Variants in RNF185 observed in about 807,000 individuals in gnomAD.
RNF185 encodes the protein ring finger protein 185.
A neutral mutation model predicts 24.9 loss-of-function variants in RNF185; 13 were observed. The observed-to-expected ratio is 0.52, with a 90% CI of 0.34 to 0.83. The LOEUF (loss-of-function observed/expected upper bound fraction) is 0.83. Among genes scored for constraint, RNF185 ranks in the 40% least tolerant of loss-of-function variants. The pLI, the probability that RNF185 is intolerant of heterozygous loss-of-function variation, is 0.01. For missense variants in RNF185, 184 were observed against 244.7 expected (o/e 0.75, Z 1.65); for synonymous variants, 79 against 90.3 (o/e 0.88, Z 0.71).
At chr22:31,200,825 G>A (rs2048255633) in intron 5 of RNF185, among the ~76,000 whole-genome samples, 1 of 152,176 alleles carries the variant, frequency 6.6e-6, no homozygotes, top group African/African-American at 2.4e-5. Flanking sequence ...AAACATTATA[G>A]TGTTTTAAAA....
chr22:31,197,254 A>G, intron 5 of RNF185: 1 of 371,320 alleles, frequency 2.7e-6, no homozygotes, highest in South Asian at 2.9e-5. Flanking sequence ...TATTTTACAG[A>G]TGTGTGTATA....
chr22:31,186,083 A>T (rs2048095689), intron 1 of RNF185, among the ~76,000 whole-genome samples: 1 of 152,182 alleles, frequency 6.6e-6, no homozygotes, highest in African/African-American at 2.4e-5. Context: ...CTTTTTACTT[A>T]TGGTAAGTAT....
In RNF185 at chr22:31,169,775, T is replaced by C. The variant is rs148914735; in HGVS notation, c.-49+9472T>C. On this transcript the variant is annotated intron_variant, in intron 1 of 6. Coordinates refer to ENST00000326132, the MANE Select transcript of RNF185 (RefSeq NM_152267.4). ...GTTACCCAGGCTGGTCTCAAACTTC[T>C]GGGCTCAAGTGATCTGCCTGCCTCC... Among the ~76,000 whole-genome samples the C allele has an allele frequency of 2.1e-3, 315 of 152,294 alleles. 1 individual carries two copies. Among genetic ancestry groups the C allele is most frequent in the African/African-American group, 7.2e-3 (299 of 41,554 alleles).
At chr22:31,174,436 G>T (rs889154473) in intron 1 of RNF185, among the ~76,000 whole-genome samples, 1 of 152,038 alleles carries the variant, frequency 6.6e-6, no homozygotes, top group Non-Finnish European at 1.5e-5. Context: ...TTGGAGTGCA[G>T]TGGCGTCATC....
At chr22:31,163,645 T>TTTTTA (rs71319164) in intron 1 of RNF185, among the ~76,000 whole-genome samples, 18 of 144,308 alleles carry the variant, frequency 1.2e-4, no homozygotes, top group African/African-American at 4.0e-4. Context: ...GTTTTTTAAC[T>TTTTTA]TTTTATTTTA....
intron 1 of RNF185, among the ~76,000 whole-genome samples, chr22:31,174,748 A>C (rs533262227): frequency 2.6e-5 from 4 of 152,182 alleles, no homozygotes; most frequent in Admixed American, 2.6e-4. Context: ...AAACCCAACA[A>C]ATGAACAAAA....
chr22:31,180,556 G>A (rs994307025), intron 1 of RNF185, among the ~76,000 whole-genome samples: 8 of 145,802 alleles, frequency 5.5e-5, no homozygotes, highest in African/African-American at 1.3e-4. Context: ...TCAGAGTCTC[G>A]CTCTAATTGC....
chr22:31,177,763 A>G (rs2047996748), intron 1 of RNF185, among the ~76,000 whole-genome samples: 1 of 152,224 alleles, frequency 6.6e-6, no homozygotes, highest in African/African-American at 2.4e-5. Flanking sequence ...CTTCATATCT[A>G]AGATTAACAT....
rs1268339059 is a variant in RNF185 at position 31,206,068 on chromosome 22, A to G, written c.*1482A>G. 1 of 154,690 alleles carries G rather than the reference A, an allele frequency of 6.5e-6. No individual in the cohort carries two copies. Among genetic ancestry groups the G allele is most frequent in the Non-Finnish European group, 1.5e-5 (1 of 68,224 alleles). The allele number at this position is 154,690 out of a possible 1,614,324, so 9.6% of individuals were successfully genotyped here. A position where few individuals can be genotyped will look rare whatever the true frequency, so the allele number is the denominator to read the frequency against. ...GCCTCTCTCCTACTTTGCCATCCACACTGCTCCTGGCTAACCCCAGCAATA... is the reference window on the plus strand; with the variant it reads ...GCCTCTCTCCTACTTTGCCATCCACGCTGCTCCTGGCTAACCCCAGCAATA... On this transcript the variant is annotated 3_prime_UTR_variant, in exon 7 of 7. Coordinates refer to ENST00000326132, the MANE Select transcript of RNF185 (RefSeq NM_152267.4).
chr22:31,162,917 C>A (rs1315114712), intron 1 of RNF185, among the ~76,000 whole-genome samples: 1 of 151,624 alleles, frequency 6.6e-6, no homozygotes, highest in Non-Finnish European at 1.5e-5. Context: ...GGCGCCCACC[C>A]CGATGACTGG....
intron 1 of RNF185, among the ~76,000 whole-genome samples, chr22:31,171,294 C>T (rs977737396): frequency 6.6e-6 from 1 of 151,444 alleles, no homozygotes; most frequent in Non-Finnish European, 1.5e-5. Context: ...CTCAGCCTCC[C>T]TAGTAGCTGG....
rs531672903 is a variant in RNF185 at position 31,183,378 on chromosome 22, A to AT, written c.-48-3656dup. Among the ~76,000 whole-genome samples the AT allele has an allele frequency of 4.5e-3, 652 of 146,258 alleles. 5 individuals are homozygous for AT. The highest frequency in any genetic ancestry group is 0.012 in the African/African-American group (493 of 39,936). On this transcript the variant is annotated intron_variant, in intron 1 of 6. Transcript: ENST00000326132. ...CCAAAATCTATATGCATAATTTTTA[A>AT]TTTTTTTTTTTTTAATTTTAGTATT...
Position 31,201,489 on chromosome 22 carries a change from T to C in RNF185, c.364-9T>C. ...TTCTCCTGCCCTTAATTGCCTTTCT[T>C]CCACACAGGGATTTCAAGGATTTGG... On this transcript the variant is annotated splice_polypyrimidine_tract_variant and intron_variant, in intron 5 of 6. Coordinates refer to ENST00000326132, the MANE Select transcript of RNF185 (RefSeq NM_152267.4). 1 of 1,605,456 alleles carries C rather than the reference T, an allele frequency of 6.2e-7. No individual in the cohort carries two copies. The highest frequency in any genetic ancestry group is 8.5e-7 in the Non-Finnish European group (1 of 1,173,800).
At chr22:31,175,378 C>T (rs1470232502) in intron 1 of RNF185, among the ~76,000 whole-genome samples, 8 of 150,922 alleles carry the variant, frequency 5.3e-5, no homozygotes, top group South Asian at 2.1e-4. Context: ...TGCTTGAACC[C>T]GGTAGGTGGA....
rs116098528 is a variant in RNF185, at chr22:31,202,548, C to G, written c.481+933C>G. 5.1e-3 allele frequency among the ~76,000 whole-genome samples: 773 copies of G among 150,164 alleles called. 5 individuals carry two copies. Among genetic ancestry groups the G allele is most frequent in the African/African-American group, 0.018 (734 of 40,876 alleles). ...GCCTGCCTGCCTGCCTGTCTGTCTT[C>G]GTGAATCCATCAGAGCATCTAGCTG... On this transcript the variant is annotated intron_variant, in intron 6 of 6. Transcript: ENST00000326132.
At chr22:31,175,564 C>T (rs1039365198) in intron 1 of RNF185, among the ~76,000 whole-genome samples, 1 of 152,024 alleles carries the variant, frequency 6.6e-6, no homozygotes, top group African/African-American at 2.4e-5. Context: ...ATTGGCACAT[C>T]TTCCCTGGGG....
At chr22:31,197,434 T>C (rs959977396) in intron 5 of RNF185, among the ~76,000 whole-genome samples, 1 of 152,228 alleles carries the variant, frequency 6.6e-6, no homozygotes, top group African/African-American at 2.4e-5. Flanking sequence ...ACTAACTAGC[T>C]GTTTAGCATT....
intron 1 of RNF185, among the ~76,000 whole-genome samples, chr22:31,168,696 G>T (rs1044631251): frequency 6.6e-6 from 1 of 152,108 alleles, no homozygotes; most frequent in Non-Finnish European, 1.5e-5. Flanking sequence ...GAGCACAGGG[G>T]TTCTATTTCT....
intron 1 of RNF185, among the ~76,000 whole-genome samples, chr22:31,171,759 G>A (rs987251470): frequency 7.9e-5 from 12 of 151,482 alleles, no homozygotes; most frequent in African/African-American, 2.2e-4. Flanking sequence ...ACCTGAGGTC[G>A]GGAGTTTGAG....
Sources: allele counts gnomAD v4.1 joint callset (sites outside exome capture counted in the v4.1 genomes callset), GRCh38; gene constraint gnomAD v4.1.1; transcripts MANE v1.5; gene names NCBI Gene and HGNC (gene_info 2026-07-23, HGNC 2026-07-21).